OPA1: variants seen among roughly 807,000 people sequenced by gnomAD.
OPA1 encodes the protein OPA1 mitochondrial dynamin like GTPase.
In OPA1, 59 loss-of-function variants were observed where a neutral mutation model predicts 152.9. The observed-to-expected ratio is 0.39, with a 90% CI of 0.31 to 0.48. The LOEUF (loss-of-function observed/expected upper bound fraction) is 0.48, where lower values mean the gene tolerates loss of function less well. Ranked by LOEUF, OPA1 falls within the 20% of genes least tolerant of loss-of-function variation. The pLI is 0.96. For missense variants in OPA1, 1,008 were observed against 1,216.8 expected (o/e 0.83, Z 2.55); for synonymous variants, 400 against 389.9 (o/e 1.03, Z -0.31).
At chr3:193,689,893 T>A (rs1428655194) in intron 29 of OPA1, among the ~76,000 whole-genome samples, 1 of 152,198 alleles carries the variant, frequency 6.6e-6, no homozygotes, top group Admixed American at 6.5e-5. Context: ...GATGGTTTTT[T>A]AAGACCACAT....
In OPA1 at chr3:193,639,365, A is replaced by T. The variant is rs1733418791; in HGVS notation, c.1149+1300A>T. On this transcript the variant is annotated intron_variant, in intron 11 of 30. Transcript: ENST00000361510. ...ACAACAAGAAAAAGCAGAACCAGGC[A>T]AGGAGAATGAGGGTGCCAGAGTATT... Among the ~76,000 whole-genome samples the T allele has an allele frequency of 6.6e-5, 10 of 152,248 alleles. 1 individual carries two copies. Among genetic ancestry groups the T allele is most frequent in the Admixed American group, 6.5e-4 (10 of 15,288 alleles).
chr3:193,648,004 C>A lies in OPA1; in HGVS notation c.1871-66C>A, dbSNP rs73888660. The A allele has an allele frequency of 2.8e-3, 3,190 of 1,129,014 alleles. 31 individuals carry two copies. The African/African-American group carries it at 0.031, about 11-fold the overall frequency. 69.9% of individuals were successfully genotyped at this position (1,129,014 alleles called of 1,614,324 possible). ...TTAATACAGAGGATATGTATTTTAA[C>A]CACTTTAACCACTACATCTGGAAAG... On this transcript the variant is annotated intron_variant, in intron 19 of 30. Coordinates refer to ENST00000361510, the MANE Select transcript of OPA1 (RefSeq NM_130837.3).
intron 1 of OPA1, among the ~76,000 whole-genome samples, chr3:193,605,530 C>G (rs1357395756): frequency 5.9e-5 from 9 of 152,102 alleles, no homozygotes; most frequent in Non-Finnish European, 1.0e-4. Context: ...TTAATTCTTC[C>G]TATATCAGTT....
chr3:193,683,634 C>G (rs1259982608), intron 29 of OPA1, among the ~76,000 whole-genome samples: 2 of 152,138 alleles, frequency 1.3e-5, no homozygotes, highest in Admixed American at 6.5e-5. Context: ...CCTGCAACAG[C>G]CACCACCCTG....
intron 1 of OPA1, among the ~76,000 whole-genome samples, chr3:193,598,008 A>T (rs1195983102): frequency 6.6e-6 from 1 of 152,120 alleles, no homozygotes; most frequent in Admixed American, 6.5e-5. Flanking sequence ...TTGAGCCCAG[A>T]TACGTGGGGC....
At chr3:193,675,632 C>T (rs1484479201) in intron 29 of OPA1, among the ~76,000 whole-genome samples, 1 of 152,182 alleles carries the variant, frequency 6.6e-6, no homozygotes, top group African/African-American at 2.4e-5. Flanking sequence ...AAACCTTACT[C>T]AGATACTGCC....
chr3:193,607,176 C>G (rs538858696), intron 1 of OPA1, among the ~76,000 whole-genome samples: 1 of 152,324 alleles, frequency 6.6e-6, no homozygotes, highest in South Asian at 2.1e-4. Flanking sequence ...AGCCCTTTGT[C>G]AGATGAGAAG....
chr3:193,645,793 C>G lies in OPA1; in HGVS notation c.1747C>G (p.Leu583Val). 1 of 1,609,310 alleles carries G rather than the reference C, an allele frequency of 6.2e-7. No homozygotes were observed. Among genetic ancestry groups the G allele is most frequent in the South Asian group, 1.1e-5 (1 of 90,932 alleles). Residue 583 changes from leucine to valine, a missense_variant, in exon 18 of 31, where the codon CTC becomes GTC. Leu to Val is a conservative substitution (Grantham distance 32). Coordinates refer to ENST00000361510, the MANE Select transcript of OPA1 (RefSeq NM_130837.3). ...AGAAGAGTTTTTTCAGAATTCAAAG[C>G]TCCTAAAGTAGGTATCTTGTTAAAA... ...YEEEFFQNSK[L>V]LKTSMLKAHQ...
intron 1 of OPA1, among the ~76,000 whole-genome samples, chr3:193,612,979 A>G (rs932465019): frequency 6.6e-6 from 1 of 152,256 alleles, no homozygotes; most frequent in Non-Finnish European, 1.5e-5. Flanking sequence ...CAACGGCCTC[A>G]GTGGGTACCT....
chr3:193,648,049 G>T, intron 19 of OPA1, 21 bp from the exon 20 acceptor site: 1 of 1,594,112 alleles, frequency 6.3e-7, no homozygotes, highest in South Asian at 1.1e-5. Flanking sequence ...CATCAAACTT[G>T]AACTTTTCCT....
At chr3:193,663,450 AT>A (rs1431581708) in intron 26 of OPA1, among the ~76,000 whole-genome samples, 1 of 152,128 alleles carries the variant, frequency 6.6e-6, no homozygotes, top group African/African-American at 2.4e-5. Flanking sequence ...TCTTTTGTTA[AT>A]GTGAGAATAA....
At position 193,662,706 on chromosome 3, in the gene OPA1, G is replaced by A. The variant is rs961297588; in HGVS notation, c.2521-116G>A. The A allele has an allele frequency of 5.7e-5, 48 of 837,696 alleles. No individual in the cohort carries two copies. In the African/African-American group the frequency reaches 6.5e-4, roughly 11 times the overall value. The allele number at this position is 837,696 out of a possible 1,614,324, so 51.9% of individuals were successfully genotyped here. A position where few individuals can be genotyped will look rare whatever the true frequency, so the allele number is the denominator to read the frequency against. On this transcript the variant is annotated intron_variant, in intron 25 of 30. Coordinates refer to ENST00000361510, the MANE Select transcript of OPA1 (RefSeq NM_130837.3). Reference sequence around the variant, plus strand: ...CTTGTGTTTCTTTCTTGTTTGTTGTGATTAAGCTTGTGTTATCTTTTATGC... The same window carrying A: ...CTTGTGTTTCTTTCTTGTTTGTTGTAATTAAGCTTGTGTTATCTTTTATGC...
intron 1 of OPA1, among the ~76,000 whole-genome samples, chr3:193,605,715 T>G (rs1235451558): frequency 3.3e-5 from 5 of 152,196 alleles, no homozygotes; most frequent in Admixed American, 3.3e-4. Context: ...CCCTTTTAGC[T>G]TTGAAAGTAA....
chr3:193,635,968 A>G (rs927888499), intron 9 of OPA1, among the ~76,000 whole-genome samples: 2 of 152,178 alleles, frequency 1.3e-5, no homozygotes, highest in Non-Finnish European at 2.9e-5. Context: ...TAGGCATTTC[A>G]AAGAACTTTC....
intron 1 of OPA1, among the ~76,000 whole-genome samples, chr3:193,608,402 G>C (rs1727633869): frequency 6.6e-6 from 1 of 152,138 alleles, no homozygotes; most frequent in Admixed American, 6.5e-5. Flanking sequence ...GGTATGTTGT[G>C]TCTTTGTTCT....
chr3:193,624,250 T>C (rs944566303), intron 6 of OPA1: 1 of 152,220 alleles, frequency 6.6e-6, no homozygotes, highest in African/African-American at 2.4e-5. Context: ...CAGATTGAAC[T>C]CTTTGTTCTA....
chr3:193,615,040 A>T lies in OPA1; in HGVS notation c.350A>T (p.Lys117Met), dbSNP rs760095113. The change falls in exon 2 of 31, where the codon AAG becomes ATG. Residue 117 changes from lysine to methionine, a missense_variant and splice_region_variant. Physicochemically the swap from Lys to Met is moderately conservative, Grantham distance 95. Around this residue, in one of 7 missense-constraint regions of OPA1, gnomAD observed 408 missense variants for 395.1 expected, o/e 1.03. Coordinates refer to ENST00000361510, the MANE Select transcript of OPA1 (RefSeq NM_130837.3). ...SAVGGGYTAK[K>M]TFDQWKDMIP... ...GTTGGGGGTGGCTACACAGCCAAAA[A>T]GGTGAACTTGACATTCCTCCTGGTT... 1 of 1,611,252 alleles carries T rather than the reference A, an allele frequency of 6.2e-7. No individual in the cohort carries two copies. The highest frequency in any genetic ancestry group is 1.1e-5 in the South Asian group (1 of 91,026).
At chr3:193,646,571 T>A (rs1560378911) in intron 18 of OPA1, 1 of 152,858 alleles carries the variant, frequency 6.5e-6, no homozygotes, top group Non-Finnish European at 1.5e-5. Flanking sequence ...GACCAGCCTG[T>A]CCAACATGGT....
At chr3:193,653,055 T>A (rs1712913303) in intron 21 of OPA1, among the ~76,000 whole-genome samples, 1 of 152,202 alleles carries the variant, frequency 6.6e-6, no homozygotes, top group Admixed American at 6.5e-5. Flanking sequence ...CAACTTTCAG[T>A]AATCTTCTTG....
Sources: gnomAD v4.1 joint callset for allele counts (sites outside exome capture counted in the v4.1 genomes callset) on GRCh38, gnomAD v4.1.1 for gene constraint, gnomAD v4.1.1 regional missense constraint, MANE v1.5 for transcripts, NCBI Gene and HGNC (gene_info 2026-07-23, HGNC 2026-07-21) for gene names.